The following GLYATL1 variants were observed in gnomAD, a reference collection of about 807,000 sequenced individuals.
The protein encoded by GLYATL1 is glycine-N-acyltransferase like 1, also known as glycine N-acyltransferase-like protein 1.
GLYATL1 carries 15 observed loss-of-function variants against 20.0 expected under a neutral mutation model. The observed-to-expected ratio is 0.75, with a 90% confidence interval of 0.50 to 1.15. GLYATL1 has a LOEUF of 1.15. Among genes scored for constraint, GLYATL1 ranks in the 50% most tolerant of loss-of-function variants. The pLI is 0.00. For synonymous variants in GLYATL1, 151 were observed against 131.5 expected, an observed-to-expected ratio of 1.15 and a Z score of -1.01; for missense variants, 380 against 368.5, an observed-to-expected ratio of 1.03 and a Z score of -0.26.
chr11:58,937,897 G>A (rs547454292), upstream of GLYATL1, among the ~76,000 whole-genome samples: 31 of 152,136 alleles, frequency 2.0e-4, no homozygotes, highest in African/African-American at 7.2e-4. Context: ...CAGAGGGTGG[G>A]GCTCCATCAA....
intron 1 of GLYATL1, among the ~76,000 whole-genome samples, chr11:58,918,529 T>C (rs557830669): frequency 6.6e-6 from 1 of 152,200 alleles, no homozygotes; most frequent in South Asian, 2.1e-4. Flanking sequence ...CATCCTTCTA[T>C]GAGCTCTTCT....
At chr11:58,916,601 T>C (rs1855178415) in intron 1 of GLYATL1, among the ~76,000 whole-genome samples, 1 of 152,180 alleles carries the variant, frequency 6.6e-6, no homozygotes, top group African/African-American at 2.4e-5. Flanking sequence ...GAATCCTCAG[T>C]CCACCTCAGA....
intron 1 of GLYATL1, among the ~76,000 whole-genome samples, chr11:58,916,562 G>C (rs1475151769): frequency 6.6e-6 from 1 of 152,160 alleles, no homozygotes; most frequent in Non-Finnish European, 1.5e-5. Context: ...TCCCACAGAG[G>C]CTTCACAGTG....
chr11:58,911,588 T>C (rs950442245), downstream of GLYATL1, among the ~76,000 whole-genome samples: 1 of 152,236 alleles, frequency 6.6e-6, no homozygotes, highest in African/African-American at 2.4e-5. Flanking sequence ...TCTTTTTATG[T>C]TCTTATATCA....
chr11:58,926,515 C>A (rs1855432323), upstream of GLYATL1, among the ~76,000 whole-genome samples: 1 of 152,174 alleles, frequency 6.6e-6, no homozygotes. Flanking sequence ...GTAACCTGAG[C>A]TCTTTGAGTG....
chr11:58,931,049 C>T (rs962620041), intron 1 of GLYATL1, among the ~76,000 whole-genome samples: 1 of 152,064 alleles, frequency 6.6e-6, no homozygotes, highest in African/African-American at 2.4e-5. Context: ...TAATAATGTA[C>T]CACAGACTAT....
chr11:58,926,571 A>G (rs991433229), upstream of GLYATL1, among the ~76,000 whole-genome samples: 1 of 152,232 alleles, frequency 6.6e-6, no homozygotes, highest in African/African-American at 2.4e-5. Context: ...TCTCTATTAG[A>G]CTACTGCTCT....
intron 1 of GLYATL1, chr11:58,927,888 G>C (rs1488627130): frequency 6.6e-6 from 1 of 152,208 alleles, no homozygotes; most frequent in African/African-American, 2.4e-5. Context: ...CAGGGAAGAC[G>C]AGGTGATAAG....
At chr11:58,949,938 A>G (rs993568580) in intron 4 of GLYATL1, among the ~76,000 whole-genome samples, 1 of 142,712 alleles carries the variant, frequency 7.0e-6, no homozygotes, top group Non-Finnish European at 1.6e-5. Flanking sequence ...TAAAAAGTTA[A>G]TAACCTCTTA....
At chr11:58,926,171 G>A (rs190869624), upstream of GLYATL1, among the ~76,000 whole-genome samples, 22 of 152,294 alleles carry the variant, frequency 1.4e-4, no homozygotes, top group Admixed American at 1.1e-3. Flanking sequence ...AGGAGGGGAC[G>A]TGCCTGTGAG....
intron 4 of GLYATL1, among the ~76,000 whole-genome samples, chr11:58,952,683 T>C (rs1417549012): frequency 6.6e-6 from 1 of 152,152 alleles, no homozygotes; most frequent in Non-Finnish European, 1.5e-5. Context: ...TAGTACCCAA[T>C]AGGTAGTTTT....
exon 1 of GLYATL1, chr11:58,905,553 T>C: frequency 2.2e-6 from 1 of 456,244 alleles, no homozygotes. Flanking sequence ...CCGCCAGGCA[T>C]CTCCCATACC....
chr11:58,910,157 A>G (rs1855004970), downstream of GLYATL1, among the ~76,000 whole-genome samples: 1 of 147,780 alleles, frequency 6.8e-6, no homozygotes. Context: ...TCCATACATT[A>G]TGGCTCCTAA....
downstream of GLYATL1, among the ~76,000 whole-genome samples, chr11:58,911,024 G>A (rs530286630): frequency 3.9e-5 from 6 of 152,184 alleles, no homozygotes; most frequent in South Asian, 2.1e-4. Context: ...TAATCTCTTC[G>A]TTACTCTAGT....
chr11:58,915,004 C>T (rs1275346577), intron 1 of GLYATL1, among the ~76,000 whole-genome samples: 1 of 152,226 alleles, frequency 6.6e-6, no homozygotes, highest in Non-Finnish European at 1.5e-5. Context: ...ATCTTAGAAT[C>T]TCAGCTCAGA....
At chr11:58,907,438 G>A (rs1378942012) in exon 2 of GLYATL1, 1 of 452,040 alleles carries the variant, frequency 2.2e-6, no homozygotes, top group Middle Eastern at 3.3e-4. Context: ...ATGATGTCTA[G>A]TTCCTTGCAA....
At chr11:58,948,315 C>T (rs573996043) in intron 4 of GLYATL1, among the ~76,000 whole-genome samples, 1 of 152,094 alleles carries the variant, frequency 6.6e-6, no homozygotes. Context: ...GGCTTAGAAA[C>T]AGAAACCAAG....
At chr11:58,935,349 A>G (rs1405767271), upstream of GLYATL1, 2 of 152,074 alleles carry the variant, frequency 1.3e-5, no homozygotes, top group Admixed American at 6.5e-5. Context: ...TTCAGTGCTC[A>G]CTTCACTTTT....
intron 6 of GLYATL1, 105 bp from the exon 7 acceptor site, chr11:58,955,505 G>T: frequency 7.1e-7 from 1 of 1,404,716 alleles, no homozygotes; most frequent in East Asian, 2.3e-5. Flanking sequence ...TTGCAATGGT[G>T]AGTCTTTAAA....
Sources: gnomAD v4.1 joint callset for allele counts (sites outside exome capture counted in the v4.1 genomes callset) on GRCh38, gnomAD v4.1.1 for gene constraint, MANE v1.5 for transcripts, NCBI Gene and HGNC (gene_info 2026-07-23, HGNC 2026-07-21) for gene names.